Variants in VPS35L observed in about 807,000 individuals in gnomAD.
The protein encoded by VPS35L is VPS35 endosomal protein-sorting factor-like.
VPS35L carries 83 observed loss-of-function variants against 133.0 expected under a neutral mutation model. The ratio of observed to expected loss-of-function variants is 0.62; its 90% confidence interval spans 0.52 to 0.75. VPS35L has a LOEUF of 0.75. Among genes scored for constraint, VPS35L ranks in the 30% least tolerant of loss-of-function variants. The pLI is 0.00. For synonymous variants in VPS35L, 423 were observed against 449.9 expected (o/e 0.94, Z 0.76); for missense variants, 1,083 against 1,206.8 (o/e 0.90, Z 1.52).
At chr16:19,617,017 AT>A in intron 14 of VPS35L, 1 of 744,784 alleles carries the variant, frequency 1.3e-6, no homozygotes, top group Non-Finnish European at 2.3e-6. Context: ...TGGAAGGGGA[AT>A]GTGGTAGCTC....
intron 27 of VPS35L, among the ~76,000 whole-genome samples, chr16:19,672,105 ACGC>A (rs1345285808): frequency 6.6e-6 from 1 of 151,986 alleles, no homozygotes; most frequent in Non-Finnish European, 1.5e-5. Context: ...GCCAGCCACC[ACGC>A]CTGGCTAATT....
chr16:19,608,198 G>T lies in VPS35L; in HGVS notation c.805G>T (p.Ala269Ser), dbSNP rs778028900. The T allele has an allele frequency of 3.1e-6, 5 of 1,613,226 alleles. No individual in the cohort carries two copies. Among genetic ancestry groups the T allele is most frequent in the Non-Finnish European group, 4.2e-6 (5 of 1,179,388 alleles). Residue 269 changes from alanine to serine, a missense_variant, in exon 10 of 31, where the codon GCA becomes TCA. Physicochemically the swap from Ala to Ser is moderately conservative, Grantham distance 99 (BLOSUM62 1). Transcript: ENST00000417362. ...TACAGATCACTTTTCTCCAGAGAAT[G>T]CAAATGACACGGCCAAGGAAACATG... ...VLPDHFSPEN[A>S]NDTAKETCLN...
chr16:19,630,043 T>G (rs1375484612), intron 18 of VPS35L, among the ~76,000 whole-genome samples: 1 of 152,192 alleles, frequency 6.6e-6, no homozygotes, highest in East Asian at 1.9e-4. Flanking sequence ...AATGCAGCAT[T>G]ACACAAAGTT....
At chr16:19,647,955 T>C (rs1462474233) in intron 24 of VPS35L, 73 bp downstream of exon 24, 1 of 1,347,926 alleles carries the variant, frequency 7.4e-7, no homozygotes, top group Non-Finnish European at 1.1e-6. Flanking sequence ...ATCATTTATT[T>C]TGATTTTATT....
rs774803806 is a variant in VPS35L, at chr16:19,579,067, C to T, written c.449C>T (p.Ala150Val). ...MGSEKGKAGT[A>V]TLAMSEKVRT... Reference sequence around the variant, plus strand: ...TTCTGTTTAGGCAAAGCTGGGACTGCCACATTGGCAATGTCAGAGAAGGTG... The same window carrying T: ...TTCTGTTTAGGCAAAGCTGGGACTGTCACATTGGCAATGTCAGAGAAGGTG... Residue 150 changes from alanine (A) to valine (V), a missense_variant, in exon 6 of 31, where the codon GCC becomes GTC. Physicochemically the swap from Ala to Val is moderately conservative, Grantham distance 64 (BLOSUM62 0). Transcript: ENST00000417362. 6.2e-7 allele frequency: 1 copy of T among 1,614,078 alleles called. No individual in the cohort carries two copies. The highest frequency in any genetic ancestry group is 1.7e-5 in the Admixed American group (1 of 60,000).
rs1237949887 is a variant in VPS35L, at chr16:19,699,135, C to G, written c.2647-367C>G. Among the ~76,000 whole-genome samples the G allele has an allele frequency of 6.6e-6, 1 of 152,178 alleles. No homozygotes were observed. The highest frequency in any genetic ancestry group is 2.4e-5 in the African/African-American group (1 of 41,448). On this transcript the variant is annotated intron_variant, in intron 29 of 30. Transcript: ENST00000417362. This position sits in a 1 kb window ranked among gnomAD's most constrained non-coding sequence, Gnocchi z 4.2. ...TGAGGACACATCTGAAAGAGGTGAGCTGAAGCCTTTCAGTTTTCAGCTGTA... is the reference window on the plus strand; with the variant it reads ...TGAGGACACATCTGAAAGAGGTGAGGTGAAGCCTTTCAGTTTTCAGCTGTA...
chr16:19,556,907 C>T (rs1356649015), intron 1 of VPS35L, among the ~76,000 whole-genome samples: 3 of 151,844 alleles, frequency 2.0e-5, no homozygotes, highest in African/African-American at 4.8e-5. Context: ...GGCGGATCAC[C>T]TGAGGTCAGG....
chr16:19,686,792 A>G (rs2151622116), intron 28 of VPS35L, among the ~76,000 whole-genome samples: 1 of 151,208 alleles, frequency 6.6e-6, no homozygotes, highest in East Asian at 1.9e-4. Flanking sequence ...CTCCCTTCTC[A>G]CCCCTTTTCC....
At chr16:19,570,094 A>G (rs1444848582) in intron 3 of VPS35L, among the ~76,000 whole-genome samples, 1 of 151,846 alleles carries the variant, frequency 6.6e-6, no homozygotes, top group Non-Finnish European at 1.5e-5. Context: ...TTTTTTTCAG[A>G]CAGCCTTGCT....
intron 12 of VPS35L, among the ~76,000 whole-genome samples, chr16:19,611,978 C>G (rs544225565): frequency 6.7e-6 from 1 of 149,444 alleles, no homozygotes; most frequent in Non-Finnish European, 1.5e-5. Context: ...CTCACTCTGT[C>G]GCCCGGCTGG....
In VPS35L at chr16:19,633,029, G is replaced by A; in HGVS notation, c.1555-63G>A. 2.3e-6 allele frequency: 3 copies of A among 1,301,588 alleles called. No individual in the cohort carries two copies. Among genetic ancestry groups the A allele is most frequent in the Middle Eastern group, 1.8e-4 (1 of 5,418 alleles). The allele number at this position is 1,301,588 out of a possible 1,614,324, so 80.6% of individuals were successfully genotyped here. ...CTGAATACGTTAGTCCTTTCCCCCA[G>A]GAACATGGTCAGCAGTTGCCATACA... is the stretch of plus-strand genomic sequence containing the variant. On this transcript the variant is annotated intron_variant, in intron 18 of 30. Coordinates refer to ENST00000417362, the MANE Select transcript of VPS35L (RefSeq NM_020314.7). The surrounding 1 kb of genome is among the most constrained non-coding windows in gnomAD (Gnocchi z 4.1).
intron 26 of VPS35L, among the ~76,000 whole-genome samples, chr16:19,659,362 C>T (rs1461181437): frequency 2.0e-5 from 3 of 152,062 alleles, no homozygotes; most frequent in African/African-American, 7.2e-5. Flanking sequence ...GGAGAGAGTG[C>T]AGGAGCCTTC....
Position 19,573,040 on chromosome 16 carries a change from C to T in VPS35L, c.286-79C>T, listed in dbSNP as rs1971430006. 6 of 1,452,084 alleles carry T rather than the reference C, an allele frequency of 4.1e-6. No individual in the cohort carries two copies. The Admixed American group carries it at 1.2e-4, about 29-fold the overall frequency. The allele number at this position is 1,452,084 out of a possible 1,614,324, so 89.9% of individuals were successfully genotyped here. ...CTTTTATTCCACAGTAAAGGACTAT[C>T]TGGCTTCTATTTATATATGTATATA... is the stretch of plus-strand genomic sequence containing the variant. On this transcript the variant is annotated intron_variant, in intron 3 of 30. Transcript: ENST00000417362.
rs1182015325 is a variant in VPS35L, at chr16:19,624,107, CTTTTTTT to C, written c.1225-2049_1225-2043del. On this transcript the variant is annotated intron_variant, in intron 14 of 30. Transcript: ENST00000417362. ...GCATGAGCCATCGTGCCTACCAGGT[CTTTTTTT>C]TTTTTTTTTTTTTTTTTTTTGAGAT... is the stretch of plus-strand genomic sequence containing the variant. Among the ~76,000 whole-genome samples the C allele has an allele frequency of 3.0e-4, 20 of 65,864 alleles. No homozygotes were observed. The East Asian group carries it at 3.1e-3, about 10-fold the overall frequency. 43.2% of individuals were successfully genotyped at this position (65,864 alleles called of 152,430 possible). A position where few individuals can be genotyped will look rare whatever the true frequency, so the allele number is the denominator to read the frequency against.
At chr16:19,575,815 A>G (rs1971513743) in intron 5 of VPS35L, among the ~76,000 whole-genome samples, 1 of 150,298 alleles carries the variant, frequency 6.7e-6, no homozygotes, top group Non-Finnish European at 1.5e-5. Flanking sequence ...GTGAGCCAAG[A>G]TTGCACTCCA....
chr16:19,605,111 T>G (rs1009734654), intron 9 of VPS35L, among the ~76,000 whole-genome samples: 1 of 152,162 alleles, frequency 6.6e-6, no homozygotes, highest in Non-Finnish European at 1.5e-5. Context: ...ACATGCTAAC[T>G]AAGATGGTGC....
At chr16:19,679,506 TA>T (rs1267756244) in intron 27 of VPS35L, among the ~76,000 whole-genome samples, 5 of 145,194 alleles carry the variant, frequency 3.4e-5, no homozygotes, top group Non-Finnish European at 6.0e-5. Flanking sequence ...TTTATTTATT[TA>T]TTTATTTATT....
At chr16:19,693,452 G>A (rs1975774414) in intron 29 of VPS35L, among the ~76,000 whole-genome samples, 1 of 151,904 alleles carries the variant, frequency 6.6e-6, no homozygotes, top group African/African-American at 2.4e-5. Flanking sequence ...ACCAGCTTGG[G>A]TAACATAGTA....
chr16:19,560,173 G>A (rs900027308), intron 1 of VPS35L, among the ~76,000 whole-genome samples: 3 of 152,192 alleles, frequency 2.0e-5, no homozygotes. Flanking sequence ...CTTTCGACAA[G>A]TTACCAACAT....
Sources: allele counts gnomAD v4.1 joint callset (sites outside exome capture counted in the v4.1 genomes callset), GRCh38; gene constraint gnomAD v4.1.1; non-coding constraint Gnocchi (gnomAD v3.1); transcripts MANE v1.5; gene names NCBI Gene and HGNC (gene_info 2026-07-23, HGNC 2026-07-21).